ASIC2: variants seen among roughly 807,000 people sequenced by gnomAD.
ASIC2 encodes acid sensing ion channel subunit 2.
ASIC2 carries 25 observed loss-of-function variants against 57.3 expected under a neutral mutation model. The ratio of observed to expected loss-of-function variants is 0.44; its 90% CI spans 0.32 to 0.61. The LOEUF is 0.61. Among genes scored for constraint, ASIC2 ranks in the 20% least tolerant of loss-of-function variants. ASIC2 has a pLI of 0.06. For synonymous variants in ASIC2, 319 were observed against 307.5 expected (o/e 1.04, Z -0.39); for missense variants, 641 against 738.1 (o/e 0.87, Z 1.52).
chr17:33,305,491 G>A (rs1906133027), intron 1 of ASIC2, among the ~76,000 whole-genome samples: 1 of 152,160 alleles, frequency 6.6e-6, no homozygotes, highest in Admixed American at 6.5e-5. Flanking sequence ...TAAGAATACT[G>A]GTAGCTAGAA....
At chr17:33,917,934 T>G (rs1291411434) in intron 1 of ASIC2, among the ~76,000 whole-genome samples, 2 of 144,284 alleles carry the variant, frequency 1.4e-5, no homozygotes, top group African/African-American at 5.4e-5. Flanking sequence ...TAACGTGAAC[T>G]CTCATTCATT....
intron 1 of ASIC2, among the ~76,000 whole-genome samples, chr17:33,232,493 TGGTAC>T (rs1167731945): frequency 4.1e-5 from 6 of 147,028 alleles, no homozygotes; most frequent in South Asian, 4.2e-4. Flanking sequence ...TGGTATGGTA[TGGTAC>T]GGTATGGTAT....
intron 1 of ASIC2, among the ~76,000 whole-genome samples, chr17:33,258,887 A>T (rs548508108): frequency 6.6e-6 from 1 of 152,344 alleles, no homozygotes; most frequent in African/African-American, 2.4e-5. Flanking sequence ...GAACATGCAC[A>T]GTGGAGGCCG....
chr17:34,065,763 A>G (rs1909150529), intron 1 of ASIC2, among the ~76,000 whole-genome samples: 1 of 152,178 alleles, frequency 6.6e-6, no homozygotes, highest in African/African-American at 2.4e-5. Flanking sequence ...GGCATGCAAC[A>G]AGTTAAAAAG....
intron 1 of ASIC2, among the ~76,000 whole-genome samples, chr17:33,812,634 A>T (rs910665189): frequency 1.3e-5 from 2 of 152,178 alleles, no homozygotes; most frequent in Admixed American, 1.3e-4. Flanking sequence ...CTCCTTTAAG[A>T]CTTCTGGGGC....
At chr17:33,340,104 A>C (rs1907667366) in intron 1 of ASIC2, among the ~76,000 whole-genome samples, 1 of 152,246 alleles carries the variant, frequency 6.6e-6, no homozygotes, top group South Asian at 2.1e-4. Context: ...ATACATAACC[A>C]ATTGCCACAA....
chr17:33,546,192 T>C (rs1350611504), intron 1 of ASIC2, among the ~76,000 whole-genome samples: 3 of 150,866 alleles, frequency 2.0e-5, no homozygotes, highest in Non-Finnish European at 4.4e-5. Context: ...TATACATATG[T>C]ATATGTATAT....
chr17:33,575,317 G>T (rs1408598112), intron 1 of ASIC2, among the ~76,000 whole-genome samples: 1 of 152,204 alleles, frequency 6.6e-6, no homozygotes, highest in South Asian at 2.1e-4. Flanking sequence ...TTAACACATA[G>T]CACAAGTTCC....
chr17:34,059,881 C>T (rs1204252116), intron 1 of ASIC2, among the ~76,000 whole-genome samples: 4 of 152,158 alleles, frequency 2.6e-5, no homozygotes, highest in African/African-American at 9.7e-5. Context: ...CCTAGCCACG[C>T]CCCCACCTGA....
At position 33,313,231 on chromosome 17, in the gene ASIC2, T is replaced by C. The variant is rs544243761; in HGVS notation, c.556-201164A>G. Reference sequence around the variant, plus strand: ...GTCTCAGCTACTCAGGAGGCTGAGGTGGGCAGGGTTGCTTGAGCCCAGGAG... The same window carrying C: ...GTCTCAGCTACTCAGGAGGCTGAGGCGGGCAGGGTTGCTTGAGCCCAGGAG... On this transcript the variant is annotated intron_variant, in intron 1 of 9. Transcript: ENST00000359872. Among the ~76,000 whole-genome samples, 8 of 151,000 alleles carry C rather than the reference T, an allele frequency of 5.3e-5. No individual in the cohort carries two copies. In the East Asian group the frequency reaches 1.6e-3, roughly 29 times the overall value.
rs116622596 is a variant in ASIC2, at chr17:33,656,411, T to C, written c.555+499567A>G. Among the ~76,000 whole-genome samples, 1,305 of 152,312 alleles carry C rather than the reference T, an allele frequency of 8.6e-3. 8 individuals are homozygous for C. Among genetic ancestry groups the C allele is most frequent in the Middle Eastern group, 0.061 (18 of 294 alleles). The stretch of plus-strand genomic sequence containing the variant: ...CTTGGCTTGCTTGTATCTCTAAGTA[T>C]GTCCTTGTCCCCCAACATTGCAAAT... On this transcript the variant is annotated intron_variant, in intron 1 of 9. Transcript: ENST00000359872.
intron 1 of ASIC2, among the ~76,000 whole-genome samples, chr17:33,544,967 A>G (rs962386985): frequency 2.6e-5 from 4 of 151,992 alleles, no homozygotes; most frequent in Non-Finnish European, 5.9e-5. Context: ...TCCAAGAATT[A>G]TTTTCAAGAA....
At chr17:33,835,235 TG>T (rs1185192529) in intron 1 of ASIC2, among the ~76,000 whole-genome samples, 1 of 152,246 alleles carries the variant, frequency 6.6e-6, no homozygotes, top group Non-Finnish European at 1.5e-5. Context: ...TGCCTGAATT[TG>T]GACAGGTTAC....
intron 1 of ASIC2, among the ~76,000 whole-genome samples, chr17:33,319,264 C>T (rs178610): frequency 0.31 from 47,359 of 152,160 alleles, 7,805 homozygotes; most frequent in South Asian, 0.46. Context: ...GACTTTCATG[C>T]ATCCATTGGG....
At position 33,293,141 on chromosome 17, in the gene ASIC2, C is replaced by G. The variant is rs1276734979; in HGVS notation, c.-1026G>C. Among the ~76,000 whole-genome samples, 4 of 152,232 alleles carry G rather than the reference C, an allele frequency of 2.6e-5. No individual in the cohort carries two copies. Among genetic ancestry groups the G allele is most frequent in the Non-Finnish European group, 5.9e-5 (4 of 68,038 alleles). ...GCGCGCCCTTCTCCTCTCGAGACTCCGAGCTCGCGGTGGCCGTGACGCCGG... is the reference window on the plus strand; with the variant it reads ...GCGCGCCCTTCTCCTCTCGAGACTCGGAGCTCGCGGTGGCCGTGACGCCGG... On this transcript the variant is annotated 5_prime_UTR_variant, in exon 1 of 10. Coordinates refer to ENST00000225823, the MANE Select transcript of ASIC2 (RefSeq NM_183377.2).
chr17:33,628,793 CTT>C (rs972301204), intron 1 of ASIC2, among the ~76,000 whole-genome samples: 10 of 152,202 alleles, frequency 6.6e-5, no homozygotes, highest in African/African-American at 2.4e-4. Flanking sequence ...GAAGGAAAAA[CTT>C]GAGTCAAAAG....
intron 1 of ASIC2, among the ~76,000 whole-genome samples, chr17:34,085,062 C>A (rs1358009466): frequency 2.6e-5 from 4 of 152,166 alleles, no homozygotes; most frequent in Non-Finnish European, 5.9e-5. Flanking sequence ...GTGGCCAGAA[C>A]TTCCAACACT....
At chr17:33,314,191 T>C (rs1034273890) in intron 1 of ASIC2, among the ~76,000 whole-genome samples, 5 of 152,162 alleles carry the variant, frequency 3.3e-5, no homozygotes, top group East Asian at 1.9e-4. Context: ...TGTCTTTTCA[T>C]TGAAACCTTG....
chr17:33,546,632 T>C (rs942534737), intron 1 of ASIC2, among the ~76,000 whole-genome samples: 1 of 152,082 alleles, frequency 6.6e-6, no homozygotes, highest in Admixed American at 6.6e-5. Flanking sequence ...GAACCCCTTC[T>C]CCATAGAGAA....
Sources: allele counts gnomAD v4.1 joint callset (sites outside exome capture counted in the v4.1 genomes callset), GRCh38; gene constraint gnomAD v4.1.1; transcripts MANE v1.5; gene names NCBI Gene and HGNC (gene_info 2026-07-23, HGNC 2026-07-21).